FAT1: variants seen among roughly 807,000 people sequenced by gnomAD.
FAT1 encodes the protein protocadherin Fat 1.
A neutral mutation model predicts 329.8 loss-of-function variants in FAT1; 171 were observed. The ratio of observed to expected loss-of-function variants is 0.52; its 90% CI spans 0.46 to 0.59. FAT1 has a LOEUF of 0.59. Among genes scored for constraint, FAT1 ranks in the 20% least tolerant of loss-of-function variants. The probability of loss-of-function intolerance (pLI) is 0.00; values close to 1 mark genes in which losing one functional copy is unlikely to be tolerated. For missense variants in FAT1, 5,672 were observed against 5,774.4 expected (o/e 0.98, Z 0.57); for synonymous variants, 2,233 against 2,228.6 (o/e 1.00, Z -0.06).
chr4:186,724,368 G>C (rs972767102), upstream of FAT1, among the ~76,000 whole-genome samples: 4 of 152,022 alleles, frequency 2.6e-5, no homozygotes, highest in African/African-American at 9.7e-5. The surrounding 1 kb of genome is among the most constrained non-coding windows in gnomAD (Gnocchi z 5.3). Flanking sequence ...AGCTAGGTCG[G>C]AATCTACTTC....
Position 186,596,607 on chromosome 4 carries a change from T to G in FAT1, c.12933A>C (p.Pro4311=), listed in dbSNP as rs1579290389. 1.2e-6 allele frequency: 2 copies of G among 1,608,038 alleles called. No individual in the cohort carries two copies. The highest frequency in any genetic ancestry group is 8.5e-7 in the Non-Finnish European group (1 of 1,177,294). The part of the protein sequence containing the change: ...VCSVAPNLPP[P]PPSNSPSDSD... ...TGTCAGAAGGGGAGTTTGAAGGGGG[T>G]GGGGGAGGCAGGTTTGGCGCCACGC... The change falls in exon 25 of 27, where the codon CCA becomes CCC. Residue 4311 remains proline, a synonymous_variant. Transcript: ENST00000441802. This position sits in a 1 kb window ranked among gnomAD's most constrained non-coding sequence, Gnocchi z 4.7.
chr4:186,593,531 C>T (rs1738342481), intron 26 of FAT1, among the ~76,000 whole-genome samples: 1 of 152,258 alleles, frequency 6.6e-6, no homozygotes, highest in East Asian at 1.9e-4. Context: ...TGAGGGATTT[C>T]CCTGGATTAC....
intron 21 of FAT1, 136 bp from the exon 22 acceptor site, chr4:186,600,496 GA>G (rs1318440612): frequency 3.0e-6 from 2 of 674,724 alleles, no homozygotes; most frequent in Non-Finnish European, 2.5e-6. Flanking sequence ...ACAGAGCACA[GA>G]TTCATTTGTC....
At chr4:186,687,008 G>A (rs327109) in intron 2 of FAT1, among the ~76,000 whole-genome samples, 123,043 of 152,192 alleles carry the variant, frequency 0.81, 50,067 homozygotes, top group South Asian at 0.84. Flanking sequence ...GTGAAAGCAT[G>A]TTTTACAGTC....
At chr4:186,623,378 A>G (rs1740143412) in intron 9 of FAT1, among the ~76,000 whole-genome samples, 1 of 152,134 alleles carries the variant, frequency 6.6e-6, no homozygotes, top group African/African-American at 2.4e-5. Flanking sequence ...CATCACCCTC[A>G]CTGTCTAAAA....
Position 186,709,358 on chromosome 4 carries a change from G to GA in FAT1, c.469dup (p.Ser157PhefsTer4). ...CCTTATAGCTGTGTTTTCAGGTAAAGAAACGCTGTATGAGGTGGGTGAGAA... is the reference window on the plus strand; with the variant it reads ...CCTTATAGCTGTGTTTTCAGGTAAAGAAAACGCTGTATGAGGTGGGTGAGAA... On this transcript the variant is annotated frameshift_variant, in exon 2 of 27. Transcript: ENST00000441802. LOFTEE classifies it high-confidence loss of function. The GA allele has an allele frequency of 6.2e-7, 1 of 1,613,984 alleles. No homozygotes were observed. Among genetic ancestry groups the GA allele is most frequent in the Non-Finnish European group, 8.5e-7 (1 of 1,179,898 alleles).
At chr4:186,604,317 C>CA in intron 18 of FAT1, 60 bp downstream of exon 18, 1 of 1,389,296 alleles carries the variant, frequency 7.2e-7, no homozygotes, top group Non-Finnish European at 9.9e-7. Flanking sequence ...AGAGGGGAAC[C>CA]ACGCCAAGCA....
At chr4:186,638,239 T>C (rs1740925378) in intron 4 of FAT1, among the ~76,000 whole-genome samples, 1 of 152,242 alleles carries the variant, frequency 6.6e-6, no homozygotes, top group African/African-American at 2.4e-5. Flanking sequence ...TGTCCAAATA[T>C]GACTTTCAAA....
chr4:186,603,059 GAA>G (rs1560923881), intron 19 of FAT1, 25 bp from the exon 20 acceptor site: 1 of 1,613,680 alleles, frequency 6.2e-7, no homozygotes, highest in Non-Finnish European at 8.5e-7. Flanking sequence ...GGGAGAAAGG[GAA>G]AAGATAATTA....
rs1258381525 is a variant in FAT1, at chr4:186,609,924, C to T, written c.9945G>A (p.Leu3315=). 1.2e-6 allele frequency: 2 copies of T among 1,613,264 alleles called. No homozygotes were observed. The highest frequency in any genetic ancestry group is 8.5e-7 in the Non-Finnish European group (1 of 1,179,378). Residue 3315 remains leucine, a synonymous_variant, in exon 15 of 27, where the codon CTG becomes CTA. Transcript: ENST00000441802. The part of the protein sequence containing the change: ...VEATDGGTPS[L]SDVATVNVNV... The stretch of plus-strand genomic sequence containing the variant: ...TAACGTTCACAGTGGCAACGTCGCT[C>T]AGTGAAGGCGTGCCTCCATCAGTGG...
In FAT1 at chr4:186,707,005, T is replaced by C. The variant is rs776763374; in HGVS notation, c.2823A>G (p.Pro941=). 5 of 1,614,026 alleles carry C rather than the reference T, an allele frequency of 3.1e-6. No individual in the cohort carries two copies. The highest frequency in any genetic ancestry group is 1.6e-4 in the Middle Eastern group (1 of 6,062). ...NYRVKVREDL[P]EGTVIMWLEA... is the part of the protein sequence containing the mutation. ...CTAACCACATGATGACGGTTCCTTC[T>C]GGAAGATCCTCTCGGACTTTCACAC... is the stretch of plus-strand genomic sequence containing the variant. Residue 941 remains proline (P), a synonymous_variant, in exon 2 of 27, where the codon CCA becomes CCG. Transcript: ENST00000441802.
At chr4:186,693,169 T>C (rs1442133228) in intron 2 of FAT1, among the ~76,000 whole-genome samples, 1 of 152,254 alleles carries the variant, frequency 6.6e-6, no homozygotes, top group Non-Finnish European at 1.5e-5. Context: ...TATCGTTATG[T>C]AAGACAGAAA....
chr4:186,658,354 TGTG>T (rs1364347679), intron 3 of FAT1, among the ~76,000 whole-genome samples: 3 of 152,140 alleles, frequency 2.0e-5, no homozygotes, highest in African/African-American at 7.2e-5. Context: ...CACTCAAACT[TGTG>T]GTTTAGAACA....
intron 1 of FAT1, among the ~76,000 whole-genome samples, chr4:186,715,081 A>G (rs943113383): frequency 7.7e-6 from 1 of 129,950 alleles, no homozygotes; most frequent in African/African-American, 4.0e-5. Flanking sequence ...CTGTCTCAAA[A>G]ACAAAAAAAA....
Position 186,588,452 on chromosome 4 carries a change from C to G in FAT1, c.*140G>C, listed in dbSNP as rs1579276982. The G allele has an allele frequency of 1.0e-6, 1 of 999,548 alleles. No individual in the cohort carries two copies. The highest frequency in any genetic ancestry group is 1.4e-6 in the Non-Finnish European group (1 of 702,388). The allele number at this position is 999,548 out of a possible 1,614,324, so 61.9% of individuals were successfully genotyped here. On this transcript the variant is annotated 3_prime_UTR_variant, in exon 27 of 27. Coordinates refer to ENST00000441802, the MANE Select transcript of FAT1 (RefSeq NM_005245.4). ...GGGACACTGGAAATGGCTAGCACGT[C>G]CAGAGGCGCAGGATCCAGCGCAGCC...
At chr4:186,603,090 T>C in intron 19 of FAT1, 56 bp from the exon 20 acceptor site, 14 of 1,611,620 alleles carry the variant, frequency 8.7e-6, no homozygotes, top group Non-Finnish European at 1.2e-5. Context: ...TTCAAGAACA[T>C]CACCTTTCAT....
chr4:186,621,656 T>G lies in FAT1; in HGVS notation c.4930A>C (p.Ser1644Arg). 2 of 1,614,028 alleles carry G rather than the reference T, an allele frequency of 1.2e-6. No homozygotes were observed. The highest frequency in any genetic ancestry group is 2.7e-5 in the African/African-American group (2 of 75,072). The change falls in exon 10 of 27, where the codon AGT (serine) becomes CGT (arginine). Residue 1644 changes from serine to arginine, a missense_variant. Around this residue, in one of 2 missense-constraint regions of FAT1, gnomAD observed 3,966 missense variants for 3,915.2 expected, o/e 1.01. Transcript: ENST00000441802. ...DLMVKATDKG[S>R]PPMSEITSVR... is the part of the protein sequence containing the mutation. ...GAAGTTATTTCACTCATTGGTGGAC[T>G]GCCCTTATCTGTAGCTTTTACCATT...
At chr4:186,640,644 C>T (rs7663350) in intron 3 of FAT1, among the ~76,000 whole-genome samples, 35,763 of 152,074 alleles carry the variant, frequency 0.24, 4,934 homozygotes, top group East Asian at 0.58. Flanking sequence ...AATTAATGAT[C>T]CTCAAATTCT....
chr4:186,621,799 T>A, intron 9 of FAT1, 24 bp from the exon 10 acceptor site: 1 of 1,466,198 alleles, frequency 6.8e-7, no homozygotes, highest in East Asian at 2.4e-5. Context: ...AAAAAATACA[T>A]GTTACAGAAA....
Sources: gnomAD v4.1 joint callset for allele counts (sites outside exome capture counted in the v4.1 genomes callset) on GRCh38, gnomAD v4.1.1 for gene constraint, gnomAD v4.1.1 regional missense constraint, Gnocchi (gnomAD v3.1) non-coding constraint, MANE v1.5 for transcripts, NCBI Gene and HGNC (gene_info 2026-07-23, HGNC 2026-07-21) for gene names.